SOCS7: variants seen among roughly 807,000 people sequenced by gnomAD.
The protein encoded by SOCS7 is suppressor of cytokine signaling 7, also known as NAP-4.
Under a neutral mutation model 58.9 loss-of-function variants are expected in SOCS7, and 18 were observed. That is an observed-to-expected ratio of 0.31 (90% confidence interval 0.21 to 0.45). SOCS7 has a LOEUF of 0.45. Ranked by LOEUF, SOCS7 falls within the 20% of genes least tolerant of loss-of-function variation. The pLI is 1.00. For synonymous variants in SOCS7, 388 were observed against 364.3 expected (o/e 1.06, Z -0.74); for missense variants, 667 against 837.3 (o/e 0.80, Z 2.51).
At chr17:38,354,388 C>T (rs1555566590) in intron 1 of SOCS7, among the ~76,000 whole-genome samples, 1 of 152,208 alleles carries the variant, frequency 6.6e-6, no homozygotes. Context: ...TGATCCTGAA[C>T]TGGGAACCAC....
chr17:38,392,840 T>C (rs181206582), intron 7 of SOCS7, among the ~76,000 whole-genome samples: 24 of 152,282 alleles, frequency 1.6e-4, no homozygotes, highest in African/African-American at 5.8e-4. Context: ...ATGGCAGAGC[T>C]ACCGATAATT....
At chr17:38,399,239 G>A (rs1245505964) in intron 9 of SOCS7, among the ~76,000 whole-genome samples, 1 of 152,196 alleles carries the variant, frequency 6.6e-6, no homozygotes, top group Non-Finnish European at 1.5e-5. Context: ...GTAAGGGAAA[G>A]GGAAAGAGAG....
intron 7 of SOCS7, 115 bp from the exon 8 acceptor site, chr17:38,395,194 C>A: frequency 9.6e-7 from 1 of 1,039,682 alleles, no homozygotes; most frequent in Non-Finnish European, 1.4e-6. Flanking sequence ...GCACAGAATA[C>A]ATATATGAAC....
intron 7 of SOCS7, among the ~76,000 whole-genome samples, chr17:38,388,693 G>A (rs2038112784): frequency 6.6e-6 from 1 of 152,072 alleles, no homozygotes; most frequent in African/African-American, 2.4e-5. Context: ...CCACTAATCT[G>A]TTTTCCGTTT....
chr17:38,385,847 C>G (rs547495639), intron 7 of SOCS7, among the ~76,000 whole-genome samples: 6 of 152,206 alleles, frequency 3.9e-5, no homozygotes, highest in South Asian at 4.1e-4. Flanking sequence ...GTCCTGTCTT[C>G]TGTATTTCTT....
At chr17:38,353,775 C>T (rs1408219006) in intron 1 of SOCS7, among the ~76,000 whole-genome samples, 3 of 151,982 alleles carry the variant, frequency 2.0e-5, no homozygotes, top group African/African-American at 4.8e-5. Flanking sequence ...CCCATCTCTA[C>T]GAAAAAAATA....
At chr17:38,358,594 T>A (rs1555567152) in intron 1 of SOCS7, among the ~76,000 whole-genome samples, 1 of 152,070 alleles carries the variant, frequency 6.6e-6, no homozygotes, top group East Asian at 1.9e-4. Context: ...TTTTTTTTTT[T>A]TTATTGTCAT....
chr17:38,377,150 CATA>C (rs1185344316), intron 6 of SOCS7, among the ~76,000 whole-genome samples: 1 of 152,120 alleles, frequency 6.6e-6, no homozygotes, highest in Non-Finnish European at 1.5e-5. Context: ...ACTTAATATA[CATA>C]ATAAGTACAT....
In SOCS7 at chr17:38,366,276, T is replaced by A; in HGVS notation, c.1253-11T>A. The A allele has an allele frequency of 6.2e-7, 1 of 1,613,660 alleles. No individual in the cohort carries two copies. Among genetic ancestry groups the A allele is most frequent in the Non-Finnish European group, 8.5e-7 (1 of 1,179,750 alleles). On this transcript the variant is annotated splice_polypyrimidine_tract_variant and intron_variant, in intron 4 of 9. Transcript: ENST00000612932. The stretch of plus-strand genomic sequence containing the variant: ...GGGTAAACAAGTGACCACCACTGTC[T>A]TGCCCTGCAGATGCATTTCCCCGGA...
chr17:38,361,130 G>GC (rs199909273), intron 1 of SOCS7, among the ~76,000 whole-genome samples: 2,656 of 152,352 alleles, frequency 0.017, 45 homozygotes, highest in Non-Finnish European at 0.029. Context: ...GCTAGGCAGA[G>GC]CCCCTAATCT....
At chr17:38,396,063 G>A in intron 9 of SOCS7, 65 bp downstream of exon 9, 1 of 1,363,796 alleles carries the variant, frequency 7.3e-7, no homozygotes, top group Non-Finnish European at 9.7e-7. Context: ...CATGCATTGA[G>A]CCTTGGGCCC....
At chr17:38,389,512 C>T (rs969208222) in intron 7 of SOCS7, among the ~76,000 whole-genome samples, 5 of 152,202 alleles carry the variant, frequency 3.3e-5, no homozygotes, top group Non-Finnish European at 5.9e-5. Context: ...ACCGAGATCA[C>T]GCCACTGCAC....
chr17:38,356,202 CTG>C (rs1055641009), intron 1 of SOCS7, among the ~76,000 whole-genome samples: 2 of 151,918 alleles, frequency 1.3e-5, no homozygotes, highest in African/African-American at 4.8e-5. Context: ...ACTTAGATAA[CTG>C]TTTTTAAGTG....
chr17:38,352,727 G>A lies in SOCS7; in HGVS notation c.675G>A (p.Pro225=), dbSNP rs1385895601. ...AGCCCCCAGGCCCTGAATTACCTCC[G>A]GTGCCCTTCCCGCTGCAGGACTTGG... ...LLQPPGPELP[P]VPFPLQDLVP... The change falls in exon 1 of 10, where the codon CCG becomes CCA. Residue 225 remains proline (P), a synonymous_variant. Transcript: ENST00000612932. This position sits in a 1 kb window ranked among gnomAD's most constrained non-coding sequence, Gnocchi z 5.5. 1 of 1,549,782 alleles carries A rather than the reference G, an allele frequency of 6.5e-7. No homozygotes were observed. The highest frequency in any genetic ancestry group is 1.2e-5 in the South Asian group (1 of 84,044).
In SOCS7 at chr17:38,352,274, G is replaced by T; in HGVS notation, c.222G>T (p.Pro74=). The T allele has an allele frequency of 6.8e-7, 1 of 1,479,076 alleles. No homozygotes were observed. The highest frequency in any genetic ancestry group is 1.3e-5 in the South Asian group (1 of 76,982). 91.6% of individuals were successfully genotyped at this position (1,479,076 alleles called of 1,614,324 possible). ...TGTTCCGCAACGTGGGTCGGCCGCC[G>T]GAGGAGGAGGACGTGGAGGCGGCCC... ...LMVFRNVGRP[P]EEEDVEAAPE... is the part of the protein sequence containing the mutation. Residue 74 remains proline (P), a synonymous_variant, in exon 1 of 10, where the codon CCG becomes CCT. Transcript: ENST00000612932. This position sits in a 1 kb window ranked among gnomAD's most constrained non-coding sequence, Gnocchi z 5.5.
chr17:38,366,295 C>T lies in SOCS7; in HGVS notation c.1261C>T (p.Pro421Ser), dbSNP rs769010821. The T allele has an allele frequency of 3.7e-5, 59 of 1,613,898 alleles. 1 individual carries two copies. The Middle Eastern group carries it at 4.9e-4, about 13-fold the overall frequency. The change falls in exon 5 of 10, where the codon CCC (proline) becomes TCC (serine). Residue 421 changes from proline (P) to serine (S), a missense_variant. Transcript: ENST00000612932. Reference sequence around the variant, plus strand: ...ACTGTCTTGCCCTGCAGATGCATTTCCCCGGATTGCTCCCATCCGAGCAGC... The same window carrying T: ...ACTGTCTTGCCCTGCAGATGCATTTTCCCGGATTGCTCCCATCCGAGCAGC... ...PPPPHAPDAFPRIAPIRAAES... is the reference protein window; with the variant it reads ...PPPPHAPDAFSRIAPIRAAES...
At chr17:38,377,889 C>T (rs1567744714) in intron 7 of SOCS7, 47 bp downstream of exon 7, 1 of 1,582,040 alleles carries the variant, frequency 6.3e-7, no homozygotes, top group African/African-American at 1.4e-5. Flanking sequence ...TGGGTATGAT[C>T]CAGTTTAGTG....
intron 2 of SOCS7, 39 bp downstream of exon 2, chr17:38,361,814 CAG>C (rs748839943): frequency 6.0e-5 from 88 of 1,473,188 alleles, no homozygotes; most frequent in Non-Finnish European, 7.8e-5. Flanking sequence ...CATCTGAAAA[CAG>C]GGGCGTTCTG....
intron 1 of SOCS7, among the ~76,000 whole-genome samples, chr17:38,356,035 C>T (rs186287051): frequency 1.4e-3 from 212 of 152,174 alleles, no homozygotes; most frequent in South Asian, 6.7e-3. Context: ...AGGGGCCCAC[C>T]ACCACACCCG....
Sources: allele counts gnomAD v4.1 joint callset (sites outside exome capture counted in the v4.1 genomes callset), GRCh38; gene constraint gnomAD v4.1.1; non-coding constraint Gnocchi (gnomAD v3.1); transcripts MANE v1.5; gene names NCBI Gene and HGNC (gene_info 2026-07-23, HGNC 2026-07-21).